Variants in ZFAND3 observed in about 807,000 individuals in gnomAD.
ZFAND3 encodes the protein AN1-type zinc finger protein 3.
Under a neutral mutation model 29.6 loss-of-function variants are expected in ZFAND3, and 10 were observed. The ratio of observed to expected loss-of-function variants is 0.34; its 90% confidence interval spans 0.21 to 0.57. ZFAND3 has a LOEUF of 0.57. ZFAND3 is among the 20% of genes least tolerant of loss of function. The pLI, the probability that ZFAND3 is intolerant of heterozygous loss-of-function variation, is 0.86. For synonymous variants in ZFAND3, 128 were observed against 112.6 expected, an observed-to-expected ratio of 1.14 and a Z score of -0.87; for missense variants, 230 against 304.5, an observed-to-expected ratio of 0.76 and a Z score of 1.82.
At chr6:37,909,260 TTTTTTTTC>T (rs1014476912) in intron 1 of ZFAND3, among the ~76,000 whole-genome samples, 12 of 149,688 alleles carry the variant, frequency 8.0e-5, no homozygotes, top group African/African-American at 1.5e-4. Context: ...CAAAACGAGA[TTTTTTTTC>T]TTTTTTTCTT....
intron 3 of ZFAND3, among the ~76,000 whole-genome samples, chr6:38,076,279 A>G (rs965772919): frequency 2.0e-5 from 3 of 152,064 alleles, no homozygotes; most frequent in Non-Finnish European, 4.4e-5. Context: ...CACTTAATAG[A>G]CTCTACAACA....
intron 5 of ZFAND3, among the ~76,000 whole-genome samples, chr6:38,126,214 C>G (rs1765631812): frequency 6.6e-6 from 1 of 152,176 alleles, no homozygotes; most frequent in African/African-American, 2.4e-5. Context: ...TTTTGAAATT[C>G]ATCCATATTA....
intron 4 of ZFAND3, among the ~76,000 whole-genome samples, chr6:38,114,755 A>C (rs1409703010): frequency 6.6e-6 from 1 of 152,200 alleles, no homozygotes; most frequent in Non-Finnish European, 1.5e-5. Flanking sequence ...ACTAAAATAC[A>C]TCCTATAGGC....
intron 2 of ZFAND3, among the ~76,000 whole-genome samples, chr6:37,954,765 T>C (rs1384411095): frequency 6.6e-6 from 1 of 152,196 alleles, no homozygotes; most frequent in African/African-American, 2.4e-5. Context: ...GGAAACAGTT[T>C]TATCTTTTGT....
rs1435424892 is a variant in ZFAND3, at chr6:38,152,972, T to G, written c.*583T>G. ...TGGAAATGGGGGGTGGGGGACAGAT[T>G]CTTACGGAAATTTTTTTACCTGACT... is the stretch of plus-strand genomic sequence containing the variant. On this transcript the variant is annotated 3_prime_UTR_variant, in exon 6 of 6. Coordinates refer to ENST00000287218, the MANE Select transcript of ZFAND3 (RefSeq NM_021943.3). 3.0e-6 allele frequency: 3 copies of G among 985,710 alleles called. No individual in the cohort carries two copies. Among genetic ancestry groups the G allele is most frequent in the Non-Finnish European group, 3.6e-6 (3 of 829,956 alleles). 61.1% of individuals were successfully genotyped at this position (985,710 alleles called of 1,614,324 possible). A position where few individuals can be genotyped will look rare whatever the true frequency, so the allele number is the denominator to read the frequency against.
chr6:37,998,834 A>G (rs991185338), intron 2 of ZFAND3, among the ~76,000 whole-genome samples: 4 of 152,216 alleles, frequency 2.6e-5, no homozygotes, highest in African/African-American at 9.6e-5. Context: ...AGGATATATC[A>G]GTAATGTGGA....
At chr6:37,853,388 G>A (rs1764317781) in intron 1 of ZFAND3, among the ~76,000 whole-genome samples, 1 of 131,360 alleles carries the variant, frequency 7.6e-6, no homozygotes, top group African/African-American at 3.1e-5. Flanking sequence ...TTAACATTTT[G>A]CCAACAGCCC....
intron 1 of ZFAND3, among the ~76,000 whole-genome samples, chr6:37,831,204 G>A (rs1011234176): frequency 4.6e-5 from 7 of 152,204 alleles, no homozygotes; most frequent in Non-Finnish European, 1.0e-4. Context: ...CACAGAGCCT[G>A]GTCATGGTAA....
At chr6:37,843,118 T>A (rs1423323158) in intron 1 of ZFAND3, among the ~76,000 whole-genome samples, 6 of 139,202 alleles carry the variant, frequency 4.3e-5, no homozygotes, top group Non-Finnish European at 7.8e-5. Context: ...TGAAACTGTT[T>A]CACAAAAAAA....
At chr6:37,982,749 T>A (rs1489774088) in intron 2 of ZFAND3, among the ~76,000 whole-genome samples, 2 of 152,184 alleles carry the variant, frequency 1.3e-5, no homozygotes, top group South Asian at 2.1e-4. Flanking sequence ...TTTATTTTTT[T>A]AAAAAGTTAA....
At chr6:37,969,931 T>G (rs1762357622) in intron 2 of ZFAND3, among the ~76,000 whole-genome samples, 1 of 152,092 alleles carries the variant, frequency 6.6e-6, no homozygotes, top group South Asian at 2.1e-4. Context: ...ATTAATTTAG[T>G]ATCAGGCCGG....
At chr6:37,873,359 A>G (rs1034697576) in intron 1 of ZFAND3, among the ~76,000 whole-genome samples, 19 of 152,266 alleles carry the variant, frequency 1.2e-4, no homozygotes, top group South Asian at 2.1e-4. Flanking sequence ...GGTTTGGTCA[A>G]TAAATCGGTA....
intron 2 of ZFAND3, among the ~76,000 whole-genome samples, chr6:38,049,636 T>C (rs1763979272): frequency 1.3e-5 from 2 of 152,202 alleles, no homozygotes; most frequent in South Asian, 2.1e-4. Context: ...TTGTGAATTA[T>C]ATAAACATCA....
chr6:37,858,594 AT>A (rs1472006990), intron 1 of ZFAND3, among the ~76,000 whole-genome samples: 1 of 152,214 alleles, frequency 6.6e-6, no homozygotes, highest in Non-Finnish European at 1.5e-5. Context: ...TTCCACCTAT[AT>A]GACTGAAAAA....
chr6:38,099,681 G>A (rs1765055339), intron 4 of ZFAND3, among the ~76,000 whole-genome samples: 1 of 152,156 alleles, frequency 6.6e-6, no homozygotes, highest in Non-Finnish European at 1.5e-5. Flanking sequence ...TAATTTTTCT[G>A]TTACTTTAGC....
At chr6:38,131,372 G>A (rs919546547) in intron 5 of ZFAND3, among the ~76,000 whole-genome samples, 1 of 152,172 alleles carries the variant, frequency 6.6e-6, no homozygotes, top group Non-Finnish European at 1.5e-5. Context: ...TCTAAGAAGT[G>A]TGGGCCTCAG....
chr6:37,902,599 T>G (rs764917079), intron 1 of ZFAND3, among the ~76,000 whole-genome samples: 6 of 152,212 alleles, frequency 3.9e-5, no homozygotes, highest in Non-Finnish European at 8.8e-5. Flanking sequence ...TTCTAGTTCT[T>G]GTCTGTTGCT....
rs183721216 is a variant in ZFAND3, at chr6:37,975,710, G to T, written c.112+45711G>T. Reference sequence around the variant, plus strand: ...AAGTCAGTTGTCCATATATGTGGGGGTTTTTTTTCTGGAGTTTATATTCTG... The same window carrying T: ...AAGTCAGTTGTCCATATATGTGGGGTTTTTTTTTCTGGAGTTTATATTCTG... On this transcript the variant is annotated intron_variant, in intron 2 of 5. Coordinates refer to ENST00000287218, the MANE Select transcript of ZFAND3 (RefSeq NM_021943.3). Among the ~76,000 whole-genome samples, 727 of 151,850 alleles carry T rather than the reference G, an allele frequency of 4.8e-3. 3 individuals carry two copies. The highest frequency in any genetic ancestry group is 0.014 in the Middle Eastern group (4 of 294).
At chr6:37,950,881 A>G (rs1218174481) in intron 2 of ZFAND3, among the ~76,000 whole-genome samples, 2 of 151,970 alleles carry the variant, frequency 1.3e-5, no homozygotes, top group Non-Finnish European at 2.9e-5. Flanking sequence ...GAATTTTAGT[A>G]TTGTTTTCTT....
Sources: allele counts gnomAD v4.1 joint callset (sites outside exome capture counted in the v4.1 genomes callset), GRCh38; gene constraint gnomAD v4.1.1; transcripts MANE v1.5; gene names NCBI Gene and HGNC (gene_info 2026-07-23, HGNC 2026-07-21).